Variants in TAOK1 observed in about 807,000 individuals in gnomAD.
The protein encoded by TAOK1 is serine/threonine-protein kinase TAO1.
TAOK1 carries 21 observed loss-of-function variants against 138.3 expected under a neutral mutation model. The observed-to-expected ratio is 0.15, with a 90% CI of 0.11 to 0.22. The LOEUF is 0.22. Among genes scored for constraint, TAOK1 ranks in the 10% least tolerant of loss-of-function variants. The pLI is 1.00. For synonymous variants in TAOK1, 361 were observed against 398.4 expected (o/e 0.91, Z 1.12); for missense variants, 651 against 1,227.7 (o/e 0.53, Z 7.02).
In TAOK1 at chr17:29,550,875, A is replaced by G. The variant is rs192203948; in HGVS notation, c.*7853A>G. On this transcript the variant is annotated 3_prime_UTR_variant, in exon 20 of 20. Coordinates refer to ENST00000261716, the MANE Select transcript of TAOK1 (RefSeq NM_020791.4). ...TTTCTTCACTTCCCTCTTCCTTTCT[A>G]CTAACTCCTTCCTTAAAGGCCATAT... 1.3e-3 allele frequency: 193 copies of G among 152,478 alleles called. No individual in the cohort carries two copies. Among genetic ancestry groups the G allele is most frequent in the African/African-American group, 4.5e-3 (188 of 41,446 alleles). The allele number at this position is 152,478 out of a possible 1,614,324, so 9.4% of individuals were successfully genotyped here. A position where few individuals can be genotyped will look rare whatever the true frequency, so the allele number is the denominator to read the frequency against.
chr17:29,391,998 CG>C (rs1198301997), intron 1 of TAOK1, among the ~76,000 whole-genome samples: 1 of 152,144 alleles, frequency 6.6e-6, no homozygotes, highest in East Asian at 1.9e-4. Flanking sequence ...GGGCGGATCA[CG>C]AAGTCAGGAG....
chr17:29,469,210 C>T (rs754231035), intron 3 of TAOK1, among the ~76,000 whole-genome samples: 1 of 150,020 alleles, frequency 6.7e-6, no homozygotes, highest in Non-Finnish European at 1.5e-5. Context: ...TAGTGAGATC[C>T]CCCCTCCCCC....
At chr17:29,504,602 G>A (rs745866420) in intron 13 of TAOK1, among the ~76,000 whole-genome samples, 5 of 152,044 alleles carry the variant, frequency 3.3e-5, no homozygotes, top group Admixed American at 2.0e-4. Context: ...CCCAGGAGGC[G>A]GAGGTTGGAG....
At position 29,390,928 on chromosome 17, in the gene TAOK1, C is replaced by G. The variant is rs1051024579; in HGVS notation, c.-191C>G. 1 of 152,248 alleles carries G rather than the reference C, an allele frequency of 6.6e-6. No individual in the cohort carries two copies. The highest frequency in any genetic ancestry group is 1.5e-5 in the Non-Finnish European group (1 of 68,154). 9.4% of individuals were successfully genotyped at this position (152,248 alleles called of 1,614,324 possible). On this transcript the variant is annotated 5_prime_UTR_variant, in exon 1 of 20. Transcript: ENST00000261716. ...GGGCGGCGATCTGTCGCCGGGCCCC[C>G]TCCTCCTCCTCACTCCTCACCCTCC...
chr17:29,495,835 G>T, intron 11 of TAOK1, 108 bp downstream of exon 11: 1 of 982,162 alleles, frequency 1.0e-6, no homozygotes, highest in Admixed American at 3.3e-5. Flanking sequence ...TTTCCAGGTT[G>T]TATTTTCTCA....
intron 19 of TAOK1, among the ~76,000 whole-genome samples, chr17:29,539,038 C>T (rs2032269846): frequency 6.6e-6 from 1 of 152,108 alleles, no homozygotes; most frequent in South Asian, 2.1e-4. Context: ...GGGCGGATCA[C>T]TTGGTGCTCA....
At chr17:29,397,693 T>TGTATATA (rs1567706786) in intron 1 of TAOK1, among the ~76,000 whole-genome samples, 2 of 81,918 alleles carry the variant, frequency 2.4e-5, no homozygotes, top group Non-Finnish European at 4.9e-5. Context: ...ACATGTATAT[T>TGTATATA]CATGTATGCA....
At chr17:29,535,428 G>A (rs1056162834) in intron 19 of TAOK1, among the ~76,000 whole-genome samples, 30 of 152,146 alleles carry the variant, frequency 2.0e-4, no homozygotes, top group African/African-American at 6.5e-4. Context: ...TCTTAGGTCC[G>A]TCGGTTATCG....
intron 4 of TAOK1, among the ~76,000 whole-genome samples, chr17:29,477,199 C>G (rs1389310869): frequency 6.6e-6 from 1 of 152,144 alleles, no homozygotes; most frequent in East Asian, 1.9e-4. Flanking sequence ...ATCTACAAAT[C>G]TAGAACCCAC....
chr17:29,458,280 A>G (rs1006927221), intron 2 of TAOK1, among the ~76,000 whole-genome samples: 3 of 152,194 alleles, frequency 2.0e-5, no homozygotes, highest in African/African-American at 7.2e-5. Flanking sequence ...ATTTCAGTAA[A>G]TATCAAGGAT....
At chr17:29,472,877 G>T (rs1297663009) in intron 3 of TAOK1, among the ~76,000 whole-genome samples, 1 of 152,120 alleles carries the variant, frequency 6.6e-6, no homozygotes, top group Non-Finnish European at 1.5e-5. Flanking sequence ...TGCCCTGCTG[G>T]CCTTTCTTAA....
chr17:29,517,479 C>A lies in TAOK1; in HGVS notation c.1731C>A (p.Pro577=), dbSNP rs1348827762. The A allele has an allele frequency of 1.2e-6, 2 of 1,613,370 alleles. No individual in the cohort carries two copies. The highest frequency in any genetic ancestry group is 2.2e-5 in the East Asian group (1 of 44,842). ...KEELNENQST[P]KKEKQEWLSK... ...AGCTAAATGAAAACCAGAGTACCCC[C>A]AAAAAAGAAAAACAGGAGTGGCTTT... is the stretch of plus-strand genomic sequence containing the variant. The change falls in exon 16 of 20, where the codon CCC becomes CCA. Residue 577 remains proline, a synonymous_variant. Transcript: ENST00000261716.
chr17:29,525,446 G>T (rs1010934951), intron 17 of TAOK1, among the ~76,000 whole-genome samples: 2 of 147,822 alleles, frequency 1.4e-5, no homozygotes, highest in Admixed American at 6.9e-5. Flanking sequence ...CGCTCTTGTC[G>T]CCTAGGCTGG....
At chr17:29,414,401 C>T (rs899928291) in intron 1 of TAOK1, among the ~76,000 whole-genome samples, 2 of 151,930 alleles carry the variant, frequency 1.3e-5, no homozygotes, top group Admixed American at 6.6e-5. Flanking sequence ...AGGCACACGC[C>T]ACTGTGCCTG....
intron 3 of TAOK1, among the ~76,000 whole-genome samples, chr17:29,467,417 G>T (rs1164312874): frequency 6.6e-6 from 1 of 152,068 alleles, no homozygotes; most frequent in African/African-American, 2.4e-5. Context: ...GGGACTACAG[G>T]CACCCGCCAC....
chr17:29,418,195 T>G (rs754065508), intron 1 of TAOK1, among the ~76,000 whole-genome samples: 1 of 151,182 alleles, frequency 6.6e-6, no homozygotes, highest in Non-Finnish European at 1.5e-5. Flanking sequence ...CTTCTTCGTT[T>G]TGTTTCGAGA....
Position 29,442,277 on chromosome 17 carries a change from C to T in TAOK1, c.-94-9178C>T, listed in dbSNP as rs182681420. Among the ~76,000 whole-genome samples, 245 of 152,102 alleles carry T rather than the reference C, an allele frequency of 1.6e-3. 1 individual carries two copies. Among genetic ancestry groups the T allele is most frequent in the Non-Finnish European group, 2.8e-3 (188 of 67,998 alleles). ...CTTAGGCTGGTCTTGAACTCCTAGG[C>T]TCAAGTTGTTTTCCCACCTAGGCCT... On this transcript the variant is annotated intron_variant, in intron 1 of 19. Transcript: ENST00000261716.
intron 1 of TAOK1, among the ~76,000 whole-genome samples, chr17:29,394,000 C>T (rs1264781955): frequency 6.6e-6 from 1 of 151,948 alleles, no homozygotes; most frequent in Non-Finnish European, 1.5e-5. Flanking sequence ...ATAAAATAAA[C>T]TTTCTGTATA....
At chr17:29,474,706 G>C (rs55802727) in intron 3 of TAOK1, among the ~76,000 whole-genome samples, 5,341 of 152,074 alleles carry the variant, frequency 0.035, 288 homozygotes, top group African/African-American at 0.12. Context: ...CACCATAACA[G>C]ATATAATAAT....
Sources: gnomAD v4.1 joint callset for allele counts (sites outside exome capture counted in the v4.1 genomes callset) on GRCh38, gnomAD v4.1.1 for gene constraint, MANE v1.5 for transcripts, NCBI Gene and HGNC (gene_info 2026-07-23, HGNC 2026-07-21) for gene names.